The following ADAM12 variants were observed in gnomAD, a reference collection of about 807,000 sequenced individuals.
ADAM12 encodes the protein ADAM metallopeptidase domain 12, also known as disintegrin and metalloproteinase domain-containing protein 12.
In ADAM12, 70 loss-of-function variants were observed where a neutral mutation model predicts 106.4. The ratio of observed to expected loss-of-function variants is 0.66; its 90% CI spans 0.54 to 0.80. ADAM12 has a LOEUF of 0.80. Among genes scored for constraint, ADAM12 ranks in the 30% least tolerant of loss-of-function variants. The pLI is 0.00. For missense variants in ADAM12, 1,010 were observed against 1,171.9 expected (o/e 0.86, Z 2.02); for synonymous variants, 420 against 433.5 (o/e 0.97, Z 0.39).
chr10:126,353,826 G>A (rs1204300740), intron 1 of ADAM12, among the ~76,000 whole-genome samples: 1 of 152,098 alleles, frequency 6.6e-6, no homozygotes, highest in Admixed American at 6.6e-5. Flanking sequence ...TGACTGCTCT[G>A]GCACAAACAG....
rs577306517 is a variant in ADAM12, at chr10:126,091,757, T to C, written c.1145+2228A>G. Among the ~76,000 whole-genome samples, 8 of 152,308 alleles carry C rather than the reference T, an allele frequency of 5.3e-5. No homozygotes were observed. The South Asian group carries it at 1.5e-3, about 28-fold the overall frequency. On this transcript the variant is annotated intron_variant, in intron 11 of 22. Transcript: ENST00000448723. ...ATTGGAAAGGATTTAGATAAAACCA[T>C]ATAGAGTGCCAGAAAATATGCCTTG...
rs1034274569 is a variant in ADAM12 at position 126,309,864 on chromosome 10, G to A, written c.186+20548C>T. Among the ~76,000 whole-genome samples the A allele has an allele frequency of 5.3e-5, 8 of 152,080 alleles. No individual in the cohort carries two copies. In the East Asian group the frequency reaches 7.7e-4, roughly 15 times the overall value. On this transcript the variant is annotated intron_variant, in intron 2 of 22. Coordinates refer to ENST00000448723, the MANE Select transcript of ADAM12 (RefSeq NM_001288973.2). ...GATTTTGTGTCATGTTAACAGAAGCGACAGATGAAATGGGCTGGGTGCAGT... is the reference window on the plus strand; with the variant it reads ...GATTTTGTGTCATGTTAACAGAAGCAACAGATGAAATGGGCTGGGTGCAGT...
chr10:126,274,734 G>C (rs567263302), intron 3 of ADAM12, among the ~76,000 whole-genome samples: 1 of 152,144 alleles, frequency 6.6e-6, no homozygotes, highest in Non-Finnish European at 1.5e-5. Context: ...AACCTCAGTC[G>C]CCCTCTTCAA....
At chr10:126,182,658 G>A (rs546373791) in intron 3 of ADAM12, among the ~76,000 whole-genome samples, 4 of 152,272 alleles carry the variant, frequency 2.6e-5, no homozygotes, top group East Asian at 3.9e-4. Flanking sequence ...AAGTTGCTGC[G>A]GGGATTCAAA....
intron 2 of ADAM12, among the ~76,000 whole-genome samples, chr10:126,322,359 C>T (rs567510247): frequency 4.9e-4 from 75 of 152,332 alleles, no homozygotes; most frequent in Admixed American, 8.5e-4. Context: ...CCAGTAACTG[C>T]CAGTTTCCTG....
Position 126,244,078 on chromosome 10 carries a change from C to A in ADAM12, c.260+34837G>T, listed in dbSNP as rs1958583384. Among the ~76,000 whole-genome samples the A allele has an allele frequency of 2.0e-5, 3 of 152,106 alleles. No individual in the cohort carries two copies. In the South Asian group the frequency reaches 6.2e-4, roughly 31 times the overall value. The stretch of plus-strand genomic sequence containing the variant: ...TGTTTTGGCAACTCTGTGATTAGAG[C>A]ACATGGATTTAGCCATAAAACTGTG... On this transcript the variant is annotated intron_variant, in intron 3 of 22. Coordinates refer to ENST00000448723, the MANE Select transcript of ADAM12 (RefSeq NM_001288973.2).
intron 3 of ADAM12, among the ~76,000 whole-genome samples, chr10:126,265,815 A>G (rs1467104549): frequency 6.6e-6 from 1 of 152,236 alleles, no homozygotes; most frequent in Non-Finnish European, 1.5e-5. Flanking sequence ...TAAAAGACAC[A>G]TTAAAAATGT....
chr10:126,110,437 A>C (rs956539533), intron 6 of ADAM12, among the ~76,000 whole-genome samples: 3 of 152,122 alleles, frequency 2.0e-5, no homozygotes, highest in Admixed American at 6.5e-5. Flanking sequence ...GAGAAAAGGA[A>C]ACTGTCAGAC....
chr10:126,310,164 A>G (rs1257583353), intron 2 of ADAM12, among the ~76,000 whole-genome samples: 2 of 152,062 alleles, frequency 1.3e-5, no homozygotes, highest in Non-Finnish European at 2.9e-5. Context: ...GTCTCAAAAA[A>G]AAAAAAAAAA....
chr10:126,125,491 C>T lies in ADAM12; in HGVS notation c.417-7267G>A, dbSNP rs1007155939. ...ATTTCCTGACCCCGTGATCCGCCAG[C>T]CTCGGCCTCCCAAAGTGCTGGAATT... is the stretch of plus-strand genomic sequence containing the variant. On this transcript the variant is annotated intron_variant, in intron 5 of 22. Coordinates refer to ENST00000448723, the MANE Select transcript of ADAM12 (RefSeq NM_001288973.2). Among the ~76,000 whole-genome samples the T allele has an allele frequency of 3.9e-5, 6 of 152,174 alleles. No individual in the cohort carries two copies. The South Asian group carries it at 6.2e-4, about 16-fold the overall frequency.
chr10:126,157,194 T>A (rs1353041387), intron 3 of ADAM12, among the ~76,000 whole-genome samples: 1 of 152,144 alleles, frequency 6.6e-6, no homozygotes, highest in African/African-American at 2.4e-5. Flanking sequence ...TCCATCCTGG[T>A]CCCTTACTTC....
chr10:126,291,732 G>A (rs534090778), intron 2 of ADAM12, among the ~76,000 whole-genome samples: 10 of 152,216 alleles, frequency 6.6e-5, no homozygotes, highest in South Asian at 2.1e-4. Flanking sequence ...CCCAGGGCTC[G>A]GGGGGTGATG....
At chr10:126,174,357 C>T (rs10901549) in intron 3 of ADAM12, among the ~76,000 whole-genome samples, 20,342 of 151,982 alleles carry the variant, frequency 0.13, 1,545 homozygotes, top group East Asian at 0.33. Context: ...CTATCCAAGT[C>T]GGCAAATGTC....
chr10:126,130,477 A>G (rs1437404172), intron 5 of ADAM12, among the ~76,000 whole-genome samples: 2 of 152,100 alleles, frequency 1.3e-5, no homozygotes, highest in Non-Finnish European at 2.9e-5. Flanking sequence ...GACACCAGAC[A>G]ATGCAGCACT....
At chr10:126,236,617 C>T (rs985367041) in intron 3 of ADAM12, among the ~76,000 whole-genome samples, 1 of 151,570 alleles carries the variant, frequency 6.6e-6, no homozygotes, top group Non-Finnish European at 1.5e-5. Flanking sequence ...GGAAGGAGCA[C>T]CCACAGGAAG....
intron 11 of ADAM12, among the ~76,000 whole-genome samples, chr10:126,092,425 C>A (rs1375441647): frequency 6.6e-6 from 1 of 152,200 alleles, no homozygotes; most frequent in South Asian, 2.1e-4. Flanking sequence ...GCCCTTGGCC[C>A]AACCTTATAC....
intron 7 of ADAM12, 66 bp from the exon 8 acceptor site, chr10:126,108,730 T>C: frequency 7.0e-7 from 1 of 1,436,706 alleles, no homozygotes; most frequent in African/African-American, 1.4e-5. Flanking sequence ...TCTTCCTGGC[T>C]TCTGGAAATG....
chr10:126,345,850 C>T (rs1324042100), intron 1 of ADAM12, among the ~76,000 whole-genome samples: 1 of 152,158 alleles, frequency 6.6e-6, no homozygotes, highest in Non-Finnish European at 1.5e-5. Flanking sequence ...GTTTGTATTT[C>T]TGTAGGATTG....
chr10:126,307,789 C>T (rs116278742), intron 2 of ADAM12, among the ~76,000 whole-genome samples: 2,652 of 152,228 alleles, frequency 0.017, 89 homozygotes, highest in African/African-American at 0.06. Flanking sequence ...TACAGAGTTT[C>T]GCCATGTTAG....
Sources: gnomAD v4.1 joint callset for allele counts (sites outside exome capture counted in the v4.1 genomes callset) on GRCh38, gnomAD v4.1.1 for gene constraint, MANE v1.5 for transcripts, NCBI Gene and HGNC (gene_info 2026-07-23, HGNC 2026-07-21) for gene names.